The following SPAG9 variants were observed in gnomAD, a reference collection of about 807,000 sequenced individuals.
SPAG9 encodes the protein sperm associated antigen 9.
In SPAG9, 35 loss-of-function variants were observed where a neutral mutation model predicts 166.5. The ratio of observed to expected loss-of-function variants is 0.21; its 90% CI spans 0.16 to 0.28. The LOEUF (loss-of-function observed/expected upper bound fraction) is 0.28, where lower values mean the gene tolerates loss of function less well. Ranked by LOEUF, SPAG9 falls within the 10% of genes least tolerant of loss-of-function variation. SPAG9 has a pLI of 1.00. For missense variants in SPAG9, 1,235 were observed against 1,603.3 expected (o/e 0.77, Z 3.92); for synonymous variants, 534 against 565.5 (o/e 0.94, Z 0.79).
Position 50,964,006 on chromosome 17 carries a change from G to A in SPAG9, c.*2266C>T, listed in dbSNP as rs1441229746. ...GCTACAATTTTATTGTGTACACAAT[G>A]TGCTTATAGTCACATGTGGCCCAAT... is the stretch of plus-strand genomic sequence containing the variant. On this transcript the variant is annotated 3_prime_UTR_variant, in exon 30 of 30. Transcript: ENST00000262013. 6.6e-6 allele frequency: 1 copy of A among 152,182 alleles called. No individual in the cohort carries two copies. Among genetic ancestry groups the A allele is most frequent in the African/African-American group, 2.4e-5 (1 of 41,440 alleles). 9.4% of individuals were successfully genotyped at this position (152,182 alleles called of 1,614,324 possible). A position where few individuals can be genotyped will look rare whatever the true frequency, so the allele number is the denominator to read the frequency against.
At chr17:51,111,437 A>G (rs931965210) in intron 1 of SPAG9, among the ~76,000 whole-genome samples, 3 of 152,198 alleles carry the variant, frequency 2.0e-5, no homozygotes, top group Non-Finnish European at 4.4e-5. Context: ...AAGGTAAGGT[A>G]AAGATTTCAA....
At chr17:51,084,734 T>C (rs557934550) in intron 1 of SPAG9, among the ~76,000 whole-genome samples, 10 of 152,312 alleles carry the variant, frequency 6.6e-5, no homozygotes, top group African/African-American at 2.2e-4. Context: ...TAGGCACCTC[T>C]TGTGTTACGG....
intron 2 of SPAG9, among the ~76,000 whole-genome samples, chr17:51,063,492 CTTAAA>C (rs1433152816): frequency 2.6e-5 from 4 of 152,008 alleles, no homozygotes; most frequent in Non-Finnish European, 5.9e-5. Context: ...ATAAAGTATA[CTTAAA>C]TTAACCTCTG....
intron 5 of SPAG9, among the ~76,000 whole-genome samples, chr17:51,037,483 G>T (rs184617260): frequency 4.0e-4 from 60 of 151,238 alleles, no homozygotes; most frequent in African/African-American, 1.4e-3. Context: ...CACGGTGGTG[G>T]ACGTCTGTAA....
intron 2 of SPAG9, among the ~76,000 whole-genome samples, chr17:51,073,078 C>A (rs1260978936): frequency 6.6e-6 from 1 of 152,124 alleles, no homozygotes. Context: ...GTAATCCCAG[C>A]GCTTTGGGAG....
chr17:50,999,847 T>G, intron 13 of SPAG9, 130 bp from the exon 14 acceptor site: 1 of 674,004 alleles, frequency 1.5e-6, no homozygotes, highest in Admixed American at 2.9e-5. Flanking sequence ...CAATAAATAC[T>G]GTAGTTACTT....
intron 1 of SPAG9, among the ~76,000 whole-genome samples, chr17:51,093,029 TCTA>T (rs1568080726): frequency 6.7e-6 from 1 of 149,756 alleles, no homozygotes; most frequent in African/African-American, 2.5e-5. Context: ...TCAAATATAT[TCTA>T]CTATTCTCGG....
intron 28 of SPAG9, 26 bp downstream of exon 28, chr17:50,974,745 C>CA: frequency 6.4e-7 from 1 of 1,565,050 alleles, no homozygotes; most frequent in Non-Finnish European, 8.6e-7. Flanking sequence ...TTACATGGAA[C>CA]ATCTCAACAG....
At chr17:51,119,076 A>G (rs1232453811) in intron 1 of SPAG9, among the ~76,000 whole-genome samples, 1 of 151,926 alleles carries the variant, frequency 6.6e-6, no homozygotes, top group African/African-American at 2.4e-5. Context: ...GGCAAATTCA[A>G]TAGCATTCCT....
At chr17:51,097,060 G>A (rs983676344) in intron 1 of SPAG9, among the ~76,000 whole-genome samples, 1 of 152,232 alleles carries the variant, frequency 6.6e-6, no homozygotes, top group Non-Finnish European at 1.5e-5. Flanking sequence ...AGGTGAAGTT[G>A]ATCACCAATG....
chr17:50,966,641 G>A (rs1012936557), intron 29 of SPAG9, among the ~76,000 whole-genome samples: 1 of 152,120 alleles, frequency 6.6e-6, no homozygotes, highest in Non-Finnish European at 1.5e-5. Context: ...ACTATACTAC[G>A]TTAAAAAGCC....
intron 17 of SPAG9, 92 bp downstream of exon 17, chr17:50,995,352 A>G (rs2044630579): frequency 1.6e-6 from 2 of 1,282,384 alleles, no homozygotes; most frequent in Admixed American, 2.3e-5. Context: ...CAATAACCTC[A>G]CCATAGAAGT....
chr17:50,981,828 G>A (rs1463905225), intron 25 of SPAG9, among the ~76,000 whole-genome samples: 1 of 151,614 alleles, frequency 6.6e-6, no homozygotes. Context: ...TTGGGAGTTC[G>A]AGACCAGCCT....
chr17:51,042,328 C>T (rs749719244), intron 4 of SPAG9, among the ~76,000 whole-genome samples: 6 of 152,120 alleles, frequency 3.9e-5, no homozygotes, highest in Admixed American at 2.0e-4. Flanking sequence ...ATTTCCAATG[C>T]TTTGTGAGAA....
chr17:50,989,939 C>CGT, intron 20 of SPAG9, 67 bp from the exon 21 acceptor site: 1 of 1,340,132 alleles, frequency 7.5e-7, no homozygotes, highest in Non-Finnish European at 1.1e-6. Context: ...CCCACACAAA[C>CGT]CCCTGTTATA....
chr17:51,062,013 A>G (rs2047532435), intron 2 of SPAG9, among the ~76,000 whole-genome samples: 2 of 152,164 alleles, frequency 1.3e-5, no homozygotes, highest in South Asian at 4.1e-4. Context: ...ATACATATCT[A>G]TATTTTTTTA....
intron 8 of SPAG9, among the ~76,000 whole-genome samples, chr17:51,019,755 GGGA>G (rs1470069182): frequency 3.3e-5 from 5 of 152,102 alleles, no homozygotes; most frequent in African/African-American, 4.8e-5. Context: ...GGGAGGCTGA[GGGA>G]GGAGAATTGC....
chr17:51,050,290 T>C (rs1018781537), intron 3 of SPAG9, among the ~76,000 whole-genome samples: 4 of 152,098 alleles, frequency 2.6e-5, no homozygotes, highest in African/African-American at 9.7e-5. Context: ...GAGAGAACAA[T>C]AACAACAAAA....
At chr17:51,093,181 C>T (rs1022183042) in intron 1 of SPAG9, among the ~76,000 whole-genome samples, 1 of 146,634 alleles carries the variant, frequency 6.8e-6, no homozygotes, top group African/African-American at 2.5e-5. Flanking sequence ...TCGAGACAAG[C>T]CTAGGCAAAA....
Sources: allele counts gnomAD v4.1 joint callset (sites outside exome capture counted in the v4.1 genomes callset), GRCh38; gene constraint gnomAD v4.1.1; transcripts MANE v1.5; gene names NCBI Gene and HGNC (gene_info 2026-07-23, HGNC 2026-07-21).